ULK4: variants seen among roughly 807,000 people sequenced by gnomAD.
ULK4 encodes the protein unc-51 like kinase 4.
Under a neutral mutation model 160.6 loss-of-function variants are expected in ULK4, and 133 were observed. That is an observed-to-expected ratio of 0.83 (90% CI 0.72 to 0.96). The LOEUF is 0.96. Among genes scored for constraint, ULK4 ranks in the 40% least tolerant of loss-of-function variants. The probability of loss-of-function intolerance (pLI) is 0.00; values close to 1 mark genes in which losing one functional copy is unlikely to be tolerated. For missense variants in ULK4, 1,580 were observed against 1,499.5 expected, an observed-to-expected ratio of 1.05 and a Z score of -0.89; for synonymous variants, 534 against 539.8, an observed-to-expected ratio of 0.99 and a Z score of 0.15.
intron 35 of ULK4, among the ~76,000 whole-genome samples, chr3:41,305,489 C>G (rs1018459582): frequency 6.6e-6 from 1 of 152,238 alleles, no homozygotes; most frequent in African/African-American, 2.4e-5. Context: ...CCCGAGGTGC[C>G]GGGATTGCAG....
chr3:41,464,143 T>C (rs888955286), intron 32 of ULK4, among the ~76,000 whole-genome samples: 1 of 152,184 alleles, frequency 6.6e-6, no homozygotes, highest in Non-Finnish European at 1.5e-5. Context: ...CTACTCCAGA[T>C]CATCAATTGA....
intron 1 of ULK4, among the ~76,000 whole-genome samples, chr3:41,959,358 C>A: frequency 1.5e-5 from 1 of 65,286 alleles, no homozygotes; most frequent in African/African-American, 3.8e-5. Flanking sequence ...AACAAGATTC[C>A]ATCTCAAAAA....
At chr3:41,284,408 T>C (rs1227514585) in intron 35 of ULK4, among the ~76,000 whole-genome samples, 1 of 151,956 alleles carries the variant, frequency 6.6e-6, no homozygotes, top group Non-Finnish European at 1.5e-5. Flanking sequence ...CATAGACCGA[T>C]GGAACAGAAT....
intron 23 of ULK4, among the ~76,000 whole-genome samples, chr3:41,717,509 T>C: frequency 6.6e-6 from 1 of 152,186 alleles, no homozygotes; most frequent in African/African-American, 2.4e-5. Flanking sequence ...CACACCTTAA[T>C]GTGGCATTGT....
At position 41,764,755 on chromosome 3, in the gene ULK4, G is replaced by A. The variant is rs189384491; in HGVS notation, c.2194-10267C>T. Among the ~76,000 whole-genome samples, 12 of 152,346 alleles carry A rather than the reference G, an allele frequency of 7.9e-5. No individual in the cohort carries two copies. In the East Asian group the frequency reaches 2.3e-3, roughly 29 times the overall value. On this transcript the variant is annotated intron_variant, in intron 21 of 36. Transcript: ENST00000301831. Reference sequence around the variant, plus strand: ...CATTTCTTAAAGGAATAACTGCTATGATTCAGTTTCTTCAACTTTAAAATA... The same window carrying A: ...CATTTCTTAAAGGAATAACTGCTATAATTCAGTTTCTTCAACTTTAAAATA...
At chr3:41,932,846 C>A (rs1699643133) in intron 4 of ULK4, among the ~76,000 whole-genome samples, 1 of 152,224 alleles carries the variant, frequency 6.6e-6, no homozygotes, top group East Asian at 1.9e-4. Context: ...GAGTTCAAGA[C>A]CAGCCTGGCC....
intron 18 of ULK4, 120 bp downstream of exon 18, chr3:41,835,743 TA>T: frequency 1.7e-6 from 1 of 602,792 alleles, no homozygotes; most frequent in Non-Finnish European, 2.9e-6. Flanking sequence ...AAATTTATCC[TA>T]AGTTCCTCAG....
intron 32 of ULK4, among the ~76,000 whole-genome samples, chr3:41,544,097 T>G (rs145935364): frequency 1.3e-5 from 2 of 152,330 alleles, no homozygotes; most frequent in East Asian, 3.9e-4. Flanking sequence ...CTTTTTGACA[T>G]GCTTTGTGAT....
At chr3:41,442,267 G>A (rs746191723) in intron 34 of ULK4, among the ~76,000 whole-genome samples, 3 of 152,080 alleles carry the variant, frequency 2.0e-5, no homozygotes, top group African/African-American at 7.2e-5. Flanking sequence ...AAGGAAAAAC[G>A]GGTAACATAA....
intron 30 of ULK4, among the ~76,000 whole-genome samples, chr3:41,646,020 C>T (rs1185393170): frequency 2.0e-5 from 3 of 152,008 alleles, no homozygotes; most frequent in Non-Finnish European, 4.4e-5. Flanking sequence ...GCAACCCCTG[C>T]CTTTTTTTGT....
chr3:41,313,268 T>C (rs181411590), intron 35 of ULK4, among the ~76,000 whole-genome samples: 101 of 152,376 alleles, frequency 6.6e-4, no homozygotes, highest in Non-Finnish European at 1.1e-3. Flanking sequence ...TCATTTGTAA[T>C]GTAGGGTTAT....
chr3:41,496,329 G>A (rs9870964), intron 32 of ULK4, among the ~76,000 whole-genome samples: 62,092 of 151,444 alleles, frequency 0.41, 12,836 homozygotes, highest in African/African-American at 0.44. Context: ...TAAACATTAA[G>A]CCTAGACAAA....
intron 19 of ULK4, among the ~76,000 whole-genome samples, chr3:41,807,983 C>T (rs1424386731): frequency 6.6e-6 from 1 of 152,174 alleles, no homozygotes; most frequent in African/African-American, 2.4e-5. Context: ...CCCTTGGGGA[C>T]AGGCCCACCC....
At chr3:41,456,346 C>T (rs1027259614) in intron 33 of ULK4, among the ~76,000 whole-genome samples, 1 of 152,212 alleles carries the variant, frequency 6.6e-6, no homozygotes, top group Non-Finnish European at 1.5e-5. Flanking sequence ...GACTCCAAGT[C>T]ACAAATGCTA....
chr3:41,824,688 C>A (rs902422321), intron 18 of ULK4, among the ~76,000 whole-genome samples: 12 of 152,124 alleles, frequency 7.9e-5, no homozygotes, highest in African/African-American at 2.9e-4. Context: ...TGGGTGGAGC[C>A]CACCGCAGTT....
intron 17 of ULK4, among the ~76,000 whole-genome samples, chr3:41,844,305 C>T (rs959795219): frequency 9.9e-5 from 15 of 152,170 alleles, no homozygotes; most frequent in African/African-American, 3.4e-4. Context: ...AGGTCCCGAG[C>T]CCTGCCCCAT....
intron 32 of ULK4, among the ~76,000 whole-genome samples, chr3:41,545,421 C>T (rs796342409): frequency 2.9e-4 from 44 of 152,290 alleles, no homozygotes; most frequent in African/African-American, 1.0e-3. Flanking sequence ...AGATTGGCAA[C>T]TTTATATTCT....
intron 32 of ULK4, among the ~76,000 whole-genome samples, chr3:41,554,040 A>G (rs1284305155): frequency 6.6e-6 from 1 of 152,030 alleles, no homozygotes; most frequent in Non-Finnish European, 1.5e-5. Flanking sequence ...CATAAGTTCA[A>G]TTGTTTTAAT....
At chr3:41,764,313 A>G (rs951758508) in intron 21 of ULK4, among the ~76,000 whole-genome samples, 2 of 152,222 alleles carry the variant, frequency 1.3e-5, no homozygotes, top group African/African-American at 4.8e-5. Context: ...TAAAAATACA[A>G]TTGGTGCTTT....
Sources: allele counts gnomAD v4.1 joint callset (sites outside exome capture counted in the v4.1 genomes callset), GRCh38; gene constraint gnomAD v4.1.1; transcripts MANE v1.5; gene names NCBI Gene and HGNC (gene_info 2026-07-23, HGNC 2026-07-21).